The following SLC6A6 variants were observed in gnomAD, a reference collection of about 807,000 sequenced individuals.
SLC6A6 encodes the protein solute carrier family 6 member 6, also known as sodium- and chloride-dependent taurine transporter.
In SLC6A6, 16 loss-of-function variants were observed where a neutral mutation model predicts 68.8. That is an observed-to-expected ratio of 0.23 (90% CI 0.16 to 0.35). SLC6A6 has a LOEUF of 0.35. Among genes scored for constraint, SLC6A6 ranks in the 10% least tolerant of loss-of-function variants. SLC6A6 has a pLI of 1.00. For synonymous variants in SLC6A6, 312 were observed against 315.4 expected (o/e 0.99, Z 0.12); for missense variants, 474 against 802.8 (o/e 0.59, Z 4.95).
intron 2 of SLC6A6, among the ~76,000 whole-genome samples, chr3:14,417,179 A>G (rs917500810): frequency 4.6e-5 from 7 of 152,306 alleles, no homozygotes; most frequent in African/African-American, 1.4e-4. Flanking sequence ...AAAAATTAAA[A>G]ATAATATAAA....
chr3:14,477,115 T>G lies in SLC6A6; in HGVS notation c.1210-90T>G. 1 of 1,213,848 alleles carries G rather than the reference T, an allele frequency of 8.2e-7. No homozygotes were observed. Among genetic ancestry groups the G allele is most frequent in the Non-Finnish European group, 1.2e-6 (1 of 838,892 alleles). 75.2% of individuals were successfully genotyped at this position (1,213,848 alleles called of 1,614,324 possible). A position where few individuals can be genotyped will look rare whatever the true frequency, so the allele number is the denominator to read the frequency against. On this transcript the variant is annotated intron_variant, in intron 10 of 14. Coordinates refer to ENST00000622186, the MANE Select transcript of SLC6A6 (RefSeq NM_003043.6). The surrounding 1 kb of genome is among the most constrained non-coding windows in gnomAD (Gnocchi z 4.2). ...AAGGATGGTCACGTCTGCTCCTGCA[T>G]TGTGTGTTCCTGGGCCCTTCCCTCC... is the stretch of plus-strand genomic sequence containing the variant.
At chr3:14,422,439 G>A (rs564856362) in intron 2 of SLC6A6, among the ~76,000 whole-genome samples, 1 of 152,276 alleles carries the variant, frequency 6.6e-6, no homozygotes, top group East Asian at 1.9e-4. Flanking sequence ...CCGAGCTTGG[G>A]TGAGTCTCCA....
Position 14,485,083 on chromosome 3 carries a change from G to C in SLC6A6, c.*76G>C. 1 of 1,308,554 alleles carries C rather than the reference G, an allele frequency of 7.6e-7. No individual in the cohort carries two copies. Among genetic ancestry groups the C allele is most frequent in the Non-Finnish European group, 1.0e-6 (1 of 963,490 alleles). 81.1% of individuals were successfully genotyped at this position (1,308,554 alleles called of 1,614,324 possible). On this transcript the variant is annotated 3_prime_UTR_variant, in exon 15 of 15. Coordinates refer to ENST00000622186, the MANE Select transcript of SLC6A6 (RefSeq NM_003043.6). ...AGATTCTCATAGGACCAGGTTTACA[G>C]AGCTTTATATTTGCACTAGGATTTT...
At chr3:14,423,180 C>A (rs1688474800) in intron 2 of SLC6A6, among the ~76,000 whole-genome samples, 1 of 152,204 alleles carries the variant, frequency 6.6e-6, no homozygotes, top group African/African-American at 2.4e-5. Context: ...CAAAAGGACT[C>A]TACAGCCAGC....
intron 6 of SLC6A6, among the ~76,000 whole-genome samples, chr3:14,459,953 A>G (rs1034469930): frequency 1.4e-5 from 2 of 144,252 alleles, no homozygotes; most frequent in Non-Finnish European, 3.0e-5. Context: ...GCTGAAATGC[A>G]GTGGCTTGAT....
intron 5 of SLC6A6, 173 bp downstream of exon 5, chr3:14,447,989 A>T (rs2124952284): frequency 1.4e-6 from 2 of 1,420,074 alleles, no homozygotes; most frequent in Non-Finnish European, 1.8e-6. Flanking sequence ...CTGGAATCCC[A>T]GTTCTGCCAC....
At chr3:14,459,714 G>A (rs78099640) in intron 6 of SLC6A6, among the ~76,000 whole-genome samples, 5,777 of 152,080 alleles carry the variant, frequency 0.038, 122 homozygotes, top group South Asian at 0.1. Flanking sequence ...TTTAAACAAT[G>A]AGAAAACTCA....
chr3:14,475,709 A>C (rs991346508), intron 10 of SLC6A6, among the ~76,000 whole-genome samples: 1 of 152,194 alleles, frequency 6.6e-6, no homozygotes, highest in Non-Finnish European at 1.5e-5. Context: ...TCAAAAAAGG[A>C]AAGAACCTTT....
chr3:14,444,074 G>T, intron 3 of SLC6A6: 1 of 547,736 alleles, frequency 1.8e-6, no homozygotes, highest in East Asian at 3.1e-5. Context: ...TGTTCTGCAG[G>T]GCCTTTCTGT....
intron 1 of SLC6A6, among the ~76,000 whole-genome samples, chr3:14,414,691 A>G (rs1012397276): frequency 6.6e-6 from 1 of 151,942 alleles, no homozygotes; most frequent in Non-Finnish European, 1.5e-5. Context: ...ATACCCAGCT[A>G]ATTTTTAAAT....
chr3:14,430,183 G>C (rs1434489649), intron 2 of SLC6A6, among the ~76,000 whole-genome samples: 1 of 152,202 alleles, frequency 6.6e-6, no homozygotes, highest in Non-Finnish European at 1.5e-5. Flanking sequence ...ACTCTAGTGA[G>C]CCTGGGATTC....
Position 14,481,415 on chromosome 3 carries a change from C to T in SLC6A6, c.1552-256C>T, listed in dbSNP as rs976041313. Among the ~76,000 whole-genome samples the T allele has an allele frequency of 6.6e-6, 1 of 152,024 alleles. No individual in the cohort carries two copies. Among genetic ancestry groups the T allele is most frequent in the African/African-American group, 2.4e-5 (1 of 41,376 alleles). ...GGGGTACAGCTTCTGCTGACACTCCCGGCTGCACCGAGGAGTTTGGGCTGC... is the reference window on the plus strand; with the variant it reads ...GGGGTACAGCTTCTGCTGACACTCCTGGCTGCACCGAGGAGTTTGGGCTGC... On this transcript the variant is annotated intron_variant, in intron 13 of 14. Transcript: ENST00000622186. The surrounding 1 kb of genome is among the most constrained non-coding windows in gnomAD (Gnocchi z 4.7).
At chr3:14,416,947 T>C (rs1699375205) in intron 2 of SLC6A6, among the ~76,000 whole-genome samples, 1 of 152,216 alleles carries the variant, frequency 6.6e-6, no homozygotes, top group Admixed American at 6.5e-5. Flanking sequence ...CAGGTTCAGG[T>C]GATCCTCCCA....
intron 6 of SLC6A6, among the ~76,000 whole-genome samples, chr3:14,461,538 T>C (rs1296310048): frequency 3.3e-5 from 5 of 152,214 alleles, no homozygotes; most frequent in Admixed American, 3.3e-4. Flanking sequence ...GTGCAAGCCC[T>C]GCAGACGCAC....
chr3:14,437,971 G>A (rs1699896453), intron 2 of SLC6A6, among the ~76,000 whole-genome samples: 1 of 150,456 alleles, frequency 6.6e-6, no homozygotes, highest in South Asian at 2.1e-4. Context: ...GGGATTACAG[G>A]AGTGCATCAC....
At position 14,464,842 on chromosome 3, in the gene SLC6A6, G is replaced by C. The variant is rs573578159; in HGVS notation, c.733-1674G>C. Among the ~76,000 whole-genome samples the C allele has an allele frequency of 1.6e-3, 237 of 152,292 alleles. 1 individual carries two copies. The highest frequency in any genetic ancestry group is 5.5e-3 in the African/African-American group (228 of 41,538). On this transcript the variant is annotated intron_variant, in intron 6 of 14. Coordinates refer to ENST00000622186, the MANE Select transcript of SLC6A6 (RefSeq NM_003043.6). ...CCAAGGTCCCCTGATCCCCAGATGCGGCCCAGGGCTCTGCCAACCAGTCTC... is the reference window on the plus strand; with the variant it reads ...CCAAGGTCCCCTGATCCCCAGATGCCGCCCAGGGCTCTGCCAACCAGTCTC...
At chr3:14,417,606 C>T (rs183381948) in intron 2 of SLC6A6, among the ~76,000 whole-genome samples, 134 of 152,268 alleles carry the variant, frequency 8.8e-4, no homozygotes, top group Middle Eastern at 6.8e-3. Context: ...GTGGCGGGCG[C>T]CTGTAGTTCC....
In SLC6A6 at chr3:14,485,816, AG is replaced by A. The variant is rs1488699928; in HGVS notation, c.*810del. 1.3e-5 allele frequency: 2 copies of A among 152,440 alleles called. No individual in the cohort carries two copies. 9.4% of individuals were successfully genotyped at this position (152,440 alleles called of 1,614,324 possible). On this transcript the variant is annotated 3_prime_UTR_variant, in exon 15 of 15. Coordinates refer to ENST00000622186, the MANE Select transcript of SLC6A6 (RefSeq NM_003043.6). ...CAGTAGACCGTCAGAACCACTGGCC[AG>A]AGAGGGAGCTGCTAGAGATCCAAGA...
rs1019487239 is a variant in SLC6A6 at position 14,402,612 on chromosome 3, T to C, written c.-289T>C. 2.5e-6 allele frequency: 1 copy of C among 397,356 alleles called. No homozygotes were observed. The highest frequency in any genetic ancestry group is 4.4e-6 in the Non-Finnish European group (1 of 225,526). The allele number at this position is 397,356 out of a possible 1,614,324, so 24.6% of individuals were successfully genotyped here. ...CAGCAGGATGGGTGATGCTGAGAGC[T>C]GCCTGCTCAGACAACAGACACGCGA... On this transcript the variant is annotated 5_prime_UTR_variant, in exon 1 of 15. Coordinates refer to ENST00000622186, the MANE Select transcript of SLC6A6 (RefSeq NM_003043.6). The surrounding 1 kb of genome is among the most constrained non-coding windows in gnomAD (Gnocchi z 4.8).
Sources: gnomAD v4.1 joint callset for allele counts (sites outside exome capture counted in the v4.1 genomes callset) on GRCh38, gnomAD v4.1.1 for gene constraint, Gnocchi (gnomAD v3.1) non-coding constraint, MANE v1.5 for transcripts, NCBI Gene and HGNC (gene_info 2026-07-23, HGNC 2026-07-21) for gene names.